The following PPP3CA variants were observed in gnomAD, a reference collection of about 807,000 sequenced individuals.
PPP3CA encodes protein phosphatase 3 catalytic subunit alpha.
In PPP3CA, 14 loss-of-function variants were observed where a neutral mutation model predicts 66.5. That is an observed-to-expected ratio of 0.21 (90% CI 0.14 to 0.33). The LOEUF (loss-of-function observed/expected upper bound fraction) is 0.33. Among genes scored for constraint, PPP3CA ranks in the 10% least tolerant of loss-of-function variants. PPP3CA has a pLI of 1.00. For synonymous variants in PPP3CA, 232 were observed against 226.2 expected (o/e 1.03, Z -0.23); for missense variants, 317 against 639.5 (o/e 0.50, Z 5.44).
intron 1 of PPP3CA, among the ~76,000 whole-genome samples, chr4:101,277,621 C>T (rs1256482605): frequency 1.3e-5 from 2 of 152,084 alleles, no homozygotes; most frequent in Admixed American, 6.6e-5. Flanking sequence ...ACAAAAATAG[C>T]CATTATTTCT....
At chr4:101,090,876 C>G (rs888298365) in intron 6 of PPP3CA, among the ~76,000 whole-genome samples, 4 of 118,916 alleles carry the variant, frequency 3.4e-5, no homozygotes, top group African/African-American at 1.0e-4. Flanking sequence ...ATATCTGTGT[C>G]TATATTATAA....
chr4:101,254,763 C>A (rs765458901), intron 1 of PPP3CA, among the ~76,000 whole-genome samples: 5 of 151,610 alleles, frequency 3.3e-5, no homozygotes, highest in Non-Finnish European at 5.9e-5. Flanking sequence ...TTGTGTCTTG[C>A]CCTTTGAAAA....
At chr4:101,240,037 T>C (rs1285281464) in intron 1 of PPP3CA, among the ~76,000 whole-genome samples, 2 of 102,416 alleles carry the variant, frequency 2.0e-5, no homozygotes, top group Non-Finnish European at 2.1e-5. Context: ...TTGGTTTTTT[T>C]TTGGGGGGAG....
intron 1 of PPP3CA, among the ~76,000 whole-genome samples, chr4:101,345,711 C>T (rs543735049): frequency 8.4e-4 from 128 of 152,316 alleles, no homozygotes; most frequent in Non-Finnish European, 1.4e-3. Context: ...AGTGATCAAC[C>T]ACAGCCTGTC....
intron 6 of PPP3CA, among the ~76,000 whole-genome samples, chr4:101,090,192 T>C (rs1729850868): frequency 6.6e-6 from 1 of 152,200 alleles, no homozygotes; most frequent in Non-Finnish European, 1.5e-5. Context: ...ACCAAAAAGC[T>C]GTAGGAGAAT....
intron 10 of PPP3CA, among the ~76,000 whole-genome samples, chr4:101,051,993 T>C (rs1578405033): frequency 6.6e-6 from 1 of 152,232 alleles, no homozygotes; most frequent in Non-Finnish European, 1.5e-5. Context: ...GTGGACATTA[T>C]CCAGCCAATT....
At chr4:101,272,525 A>T (rs1304700048) in intron 1 of PPP3CA, among the ~76,000 whole-genome samples, 1 of 152,216 alleles carries the variant, frequency 6.6e-6, no homozygotes, top group Non-Finnish European at 1.5e-5. Flanking sequence ...AACATTACTG[A>T]TCATTTGCAT....
intron 6 of PPP3CA, among the ~76,000 whole-genome samples, chr4:101,086,118 T>C (rs987919827): frequency 1.3e-5 from 2 of 152,104 alleles, no homozygotes; most frequent in African/African-American, 4.8e-5. Context: ...AAAATTACTA[T>C]ATTATAAAAC....
chr4:101,174,322 C>G (rs558180695), intron 2 of PPP3CA, among the ~76,000 whole-genome samples: 1 of 152,112 alleles, frequency 6.6e-6, no homozygotes, highest in African/African-American at 2.4e-5. Context: ...GAAACAACCA[C>G]ACCATTTGTT....
chr4:101,155,456 C>T (rs1264511308), intron 2 of PPP3CA, among the ~76,000 whole-genome samples: 2 of 152,162 alleles, frequency 1.3e-5, no homozygotes, highest in African/African-American at 4.8e-5. Flanking sequence ...TTCCTTCCTG[C>T]AAGTGCTGTT....
intron 2 of PPP3CA, among the ~76,000 whole-genome samples, chr4:101,177,904 A>AT (rs796228681): frequency 6.6e-6 from 1 of 151,944 alleles, no homozygotes. Context: ...AAGAAATATT[A>AT]TTTTTTCTGT....
At chr4:101,324,182 A>G (rs1278932401) in intron 1 of PPP3CA, among the ~76,000 whole-genome samples, 9 of 134,936 alleles carry the variant, frequency 6.7e-5, no homozygotes, top group African/African-American at 2.5e-4. Flanking sequence ...GGAAGGAAGG[A>G]AGGAAGGAAG....
chr4:101,089,287 C>G (rs1729809079), intron 6 of PPP3CA, among the ~76,000 whole-genome samples: 1 of 152,016 alleles, frequency 6.6e-6, no homozygotes, highest in Admixed American at 6.6e-5. Context: ...GAGAAGGGAT[C>G]GCCCTGACAA....
chr4:101,345,885 G>A (rs530487807), intron 1 of PPP3CA, among the ~76,000 whole-genome samples: 6 of 152,230 alleles, frequency 3.9e-5, no homozygotes, highest in Non-Finnish European at 8.8e-5. Context: ...GCGGAATGAG[G>A]TTATCACTTG....
At chr4:101,269,843 T>G (rs1727282560) in intron 1 of PPP3CA, among the ~76,000 whole-genome samples, 1 of 152,096 alleles carries the variant, frequency 6.6e-6, no homozygotes. Context: ...GCAACATCAG[T>G]AGAAGTCACG....
chr4:101,246,676 A>C (rs1726489685), intron 1 of PPP3CA, among the ~76,000 whole-genome samples: 2 of 152,186 alleles, frequency 1.3e-5, no homozygotes. Context: ...GTATAGACAT[A>C]GTTTTACACA....
At chr4:101,119,056 C>T (rs1721939845) in intron 2 of PPP3CA, among the ~76,000 whole-genome samples, 1 of 148,600 alleles carries the variant, frequency 6.7e-6, no homozygotes, top group South Asian at 2.1e-4. Context: ...AAACAGCAGA[C>T]AGGGCAGTTA....
intron 1 of PPP3CA, among the ~76,000 whole-genome samples, chr4:101,271,646 G>A (rs142437733): frequency 6.6e-6 from 1 of 152,184 alleles, no homozygotes; most frequent in East Asian, 1.9e-4. Context: ...TTTAAGGGAG[G>A]GAAGAGGATC....
In PPP3CA at chr4:101,040,462, CAG is replaced by C; in HGVS notation, c.1241+18_1241+19del. The C allele has an allele frequency of 2.6e-6, 4 of 1,540,932 alleles. No individual in the cohort carries two copies. The highest frequency in any genetic ancestry group is 2.5e-5 in the South Asian group (2 of 81,544). ...CACATAATACAATTTGAAACAAAAA[CAG>C]AGTACGAATGCACCCACCTGAGCAC... On this transcript the variant is annotated intron_variant, in intron 11 of 13. Transcript: ENST00000394854.
Sources: allele counts gnomAD v4.1 joint callset (sites outside exome capture counted in the v4.1 genomes callset), GRCh38; gene constraint gnomAD v4.1.1; transcripts MANE v1.5; gene names NCBI Gene and HGNC (gene_info 2026-07-23, HGNC 2026-07-21).